The following KIF4A variants were observed in gnomAD, a reference collection of about 807,000 sequenced individuals.
KIF4A encodes the protein kinesin family member 4A.
In KIF4A, 7 loss-of-function variants were observed where a neutral mutation model predicts 105.9. The observed-to-expected ratio is 0.07, with a 90% CI of 0.04 to 0.12. The LOEUF (loss-of-function observed/expected upper bound fraction) is 0.12, where lower values mean the gene tolerates loss of function less well. KIF4A is among the 10% of genes least tolerant of loss of function. KIF4A has a pLI of 1.00. For missense variants in KIF4A, 558 were observed against 929.2 expected (o/e 0.60, Z 5.19); for synonymous variants, 281 against 331.3 (o/e 0.85, Z 1.65).
chrX:70,350,521 G>A (rs7891362), intron 13 of KIF4A, among the ~76,000 whole-genome samples: 2 of 106,348 alleles, frequency 1.9e-5, no homozygotes, highest in Non-Finnish European at 3.9e-5. Context: ...GGGAGGGGGA[G>A]GGGGAGAGGG....
intron 10 of KIF4A, among the ~76,000 whole-genome samples, chrX:70,337,691 AACAC>A (rs970206175): frequency 6.3e-5 from 7 of 111,432 alleles, no homozygotes; most frequent in Non-Finnish European, 1.1e-4. Context: ...ACAAACAAAA[AACAC>A]ACACAAAACA....
At chrX:70,378,765 T>G (rs1246922290) in intron 18 of KIF4A, among the ~76,000 whole-genome samples, 1 of 106,541 alleles carries the variant, frequency 9.4e-6, no homozygotes, top group African/African-American at 3.4e-5. Context: ...TAATGAAATA[T>G]GAAATAGAAA....
intron 7 of KIF4A, among the ~76,000 whole-genome samples, chrX:70,303,301 T>C (rs1405140299): frequency 8.9e-6 from 1 of 112,245 alleles, no homozygotes; most frequent in Non-Finnish European, 1.9e-5. Flanking sequence ...TCAAAGATCA[T>C]TGACATAGCT....
Position 70,328,731 on chromosome X carries a change from A to G in KIF4A, c.779-674A>G, listed in dbSNP as rs746450722. Among the ~76,000 whole-genome samples, 73 of 112,036 alleles carry G rather than the reference A, an allele frequency of 6.5e-4. 1 individual carries two copies. The highest frequency in any genetic ancestry group is 1.9e-3 in the Admixed American group (20 of 10,543). On this transcript the variant is annotated intron_variant, in intron 7 of 30. Coordinates refer to ENST00000374403, the MANE Select transcript of KIF4A (RefSeq NM_012310.5). ...ACTATGCACTTAACCATTATACTAT[A>G]TAGCTTTTCCACAGTAAGCCTAATA... is the stretch of plus-strand genomic sequence containing the variant.
rs1217522116 is a variant in KIF4A, at chrX:70,386,746, G to A, written c.2118+45G>A. The stretch of plus-strand genomic sequence containing the variant: ...TAGGTCAAGTGTATTGTCATCTTCA[G>A]GTTTAAATGCTTGCAAAGTAATATC... On this transcript the variant is annotated intron_variant, in intron 19 of 30. Coordinates refer to ENST00000374403, the MANE Select transcript of KIF4A (RefSeq NM_012310.5). 3 of 960,288 alleles carry A rather than the reference G, an allele frequency of 3.1e-6. No individual in the cohort carries two copies. The South Asian group carries it at 5.9e-5, about 19-fold the overall frequency. The allele number at this position is 960,288 out of a possible 1,213,427, so 79.1% of individuals were successfully genotyped here.
chrX:70,374,503 T>A (rs1028977577), intron 16 of KIF4A, among the ~76,000 whole-genome samples: 4 of 112,058 alleles, frequency 3.6e-5, no homozygotes, highest in Non-Finnish European at 7.5e-5. Context: ...GTAATTGTGT[T>A]AAGAGTTCAG....
intron 7 of KIF4A, among the ~76,000 whole-genome samples, chrX:70,326,641 C>T (rs2085912057): frequency 8.9e-6 from 1 of 112,090 alleles, no homozygotes; most frequent in Non-Finnish European, 1.9e-5. Context: ...ACTCTCCTTA[C>T]TTGATCTGTT....
At chrX:70,409,132 T>A (rs1011059567) in intron 28 of KIF4A, among the ~76,000 whole-genome samples, 22 of 111,385 alleles carry the variant, frequency 2.0e-4, no homozygotes, top group African/African-American at 6.8e-4. Context: ...CCCAAAGTGC[T>A]GGGATTACAA....
intron 10 of KIF4A, 85 bp from the exon 11 acceptor site, chrX:70,341,714 G>A (rs2085972963): frequency 1.0e-6 from 1 of 994,643 alleles, no homozygotes; most frequent in African/African-American, 1.9e-5. Context: ...CTATCCAAAA[G>A]GCCTATGGGA....
chrX:70,304,054 G>A (rs1371513826), intron 7 of KIF4A, among the ~76,000 whole-genome samples: 2 of 88,760 alleles, frequency 2.3e-5, no homozygotes, highest in Non-Finnish European at 4.4e-5. Flanking sequence ...TCGTCATTTA[G>A]CATTAGGTAT....
intron 13 of KIF4A, among the ~76,000 whole-genome samples, chrX:70,345,034 G>A (rs781216833): frequency 3.9e-4 from 44 of 112,172 alleles, no homozygotes; most frequent in Non-Finnish European, 7.5e-4. Flanking sequence ...ACAGGGTACA[G>A]TAATTGAGAG....
At chrX:70,373,877 T>C (rs2086164201) in intron 15 of KIF4A, among the ~76,000 whole-genome samples, 1 of 98,954 alleles carries the variant, frequency 1.0e-5, no homozygotes, top group African/African-American at 3.6e-5. Context: ...CAAACTCTTT[T>C]CTGAACAGAA....
chrX:70,364,684 A>G (rs1249834407), intron 15 of KIF4A, among the ~76,000 whole-genome samples: 1 of 111,990 alleles, frequency 8.9e-6, no homozygotes, highest in African/African-American at 3.2e-5. Context: ...TGATACCTCC[A>G]ACTTTGTTCT....
intron 28 of KIF4A, among the ~76,000 whole-genome samples, chrX:70,407,715 A>T (rs2086305892): frequency 8.9e-6 from 1 of 112,377 alleles, no homozygotes; most frequent in South Asian, 3.6e-4. Flanking sequence ...ATGTTTTTAT[A>T]GCACTTTACA....
intron 22 of KIF4A, chrX:70,396,416 TCAGC>T (rs1378126770): frequency 8.4e-4 from 102 of 121,923 alleles, no homozygotes; most frequent in Admixed American, 7.7e-3. Context: ...AAAAGGAAAT[TCAGC>T]AATCTTAAGA....
chrX:70,361,733 G>C (rs182012679), intron 15 of KIF4A: 2 of 120,269 alleles, frequency 1.7e-5, no homozygotes, highest in East Asian at 4.8e-4. Context: ...CCTCAGTTTG[G>C]AGAAGCCTGG....
intron 15 of KIF4A, among the ~76,000 whole-genome samples, chrX:70,357,318 A>G (rs1321023225): frequency 9.2e-6 from 1 of 108,975 alleles, no homozygotes; most frequent in Non-Finnish European, 1.9e-5. Flanking sequence ...CATCTCAAAA[A>G]CAAACAAACA....
chrX:70,309,517 A>G (rs1426109003), intron 7 of KIF4A, among the ~76,000 whole-genome samples: 1 of 110,865 alleles, frequency 9.0e-6, no homozygotes, highest in Non-Finnish European at 1.9e-5. Context: ...CTTCTTACAT[A>G]TTTTTTCTAT....
rs1327850734 is a variant in KIF4A, at chrX:70,405,769, G to A, written c.2899-59G>A. 3 of 846,535 alleles carry A rather than the reference G, an allele frequency of 3.5e-6. No homozygotes were observed. The African/African-American group carries it at 6.0e-5, about 17-fold the overall frequency. The allele number at this position is 846,535 out of a possible 1,213,427, so 69.8% of individuals were successfully genotyped here. A position where few individuals can be genotyped will look rare whatever the true frequency, so the allele number is the denominator to read the frequency against. On this transcript the variant is annotated intron_variant, in intron 25 of 30. Coordinates refer to ENST00000374403, the MANE Select transcript of KIF4A (RefSeq NM_012310.5). ...ATGTTTTCATCTATGTGAGTTGTTT[G>A]GTAACCCACATGTAGTGCCCAAAAT...
Sources: gnomAD v4.1 joint callset for allele counts (sites outside exome capture counted in the v4.1 genomes callset) on GRCh38, gnomAD v4.1.1 for gene constraint, MANE v1.5 for transcripts, NCBI Gene and HGNC (gene_info 2026-07-23, HGNC 2026-07-21) for gene names.